The following MARCHF11 variants were observed in gnomAD, a reference collection of about 807,000 sequenced individuals.
The protein encoded by MARCHF11 is E3 ubiquitin-protein ligase MARCHF11.
MARCHF11 carries 29 observed loss-of-function variants against 37.3 expected under a neutral mutation model. The observed-to-expected ratio is 0.78, with a 90% CI of 0.58 to 1.06. The LOEUF (loss-of-function observed/expected upper bound fraction) is 1.06, where lower values mean the gene tolerates loss of function less well. Among genes scored for constraint, MARCHF11 ranks in the 50% least tolerant of loss-of-function variants. The probability of loss-of-function intolerance (pLI) is 0.00; values close to 1 mark genes in which losing one functional copy is unlikely to be tolerated. For synonymous variants in MARCHF11, 233 were observed against 228.0 expected (o/e 1.02, Z -0.20); for missense variants, 482 against 533.4 (o/e 0.90, Z 0.95).
At chr5:16,108,024 G>A (rs896186590) in intron 2 of MARCHF11, among the ~76,000 whole-genome samples, 10 of 152,184 alleles carry the variant, frequency 6.6e-5, no homozygotes, top group African/African-American at 2.4e-4. Context: ...CGCTGGACAA[G>A]AGCTCAGGAT....
chr5:16,084,417 CG>C (rs936915280), intron 3 of MARCHF11, among the ~76,000 whole-genome samples: 1 of 152,120 alleles, frequency 6.6e-6, no homozygotes, highest in African/African-American at 2.4e-5. Context: ...CCGAGGCAGG[CG>C]GGTCACTTGA....
chr5:16,068,462 G>A (rs936723648), intron 3 of MARCHF11, among the ~76,000 whole-genome samples: 2 of 152,168 alleles, frequency 1.3e-5, no homozygotes, highest in East Asian at 1.9e-4. Context: ...GTTCAGAAAC[G>A]TGCTCAAAAA....
At chr5:16,129,907 T>C (rs1737487059) in intron 2 of MARCHF11, among the ~76,000 whole-genome samples, 1 of 152,056 alleles carries the variant, frequency 6.6e-6, no homozygotes, top group Non-Finnish European at 1.5e-5. Flanking sequence ...GAGATCAGTG[T>C]CAAAAAACAT....
intron 2 of MARCHF11, among the ~76,000 whole-genome samples, chr5:16,116,041 G>A (rs1737221937): frequency 6.6e-6 from 1 of 152,126 alleles, no homozygotes; most frequent in Admixed American, 6.6e-5. Context: ...GATGGCAAAC[G>A]TTTAGTGGCA....
At chr5:16,098,956 G>A (rs1048074777) in intron 2 of MARCHF11, among the ~76,000 whole-genome samples, 1 of 151,974 alleles carries the variant, frequency 6.6e-6, no homozygotes, top group Non-Finnish European at 1.5e-5. Flanking sequence ...AAAAGAACTA[G>A]ATTAGATTTA....
At chr5:16,070,998 C>T (rs1043984638) in intron 3 of MARCHF11, among the ~76,000 whole-genome samples, 1 of 152,058 alleles carries the variant, frequency 6.6e-6, no homozygotes, top group Non-Finnish European at 1.5e-5. Flanking sequence ...ACCTTTTGTG[C>T]TAGTGGTTAT....
At chr5:16,084,621 TGACAGAGC>T (rs1736663823) in intron 3 of MARCHF11, among the ~76,000 whole-genome samples, 1 of 150,754 alleles carries the variant, frequency 6.6e-6, no homozygotes. Flanking sequence ...CCAGCCAGGG[TGACAGAGC>T]AAGACTCTGT....
At chr5:16,087,653 G>C (rs1341995164) in intron 3 of MARCHF11, among the ~76,000 whole-genome samples, 2 of 152,146 alleles carry the variant, frequency 1.3e-5, no homozygotes. Context: ...ATTTTGAATA[G>C]CCCTGATCTA....
rs572652512 is a variant in MARCHF11, at chr5:16,179,614, G to A, written c.-39C>T. On this transcript the variant is annotated 5_prime_UTR_variant, in exon 1 of 4. Coordinates refer to ENST00000332432, the MANE Select transcript of MARCHF11 (RefSeq NM_001102562.3). ...CCGCCCTCCTGCCGGCCCGGCTGGC[G>A]GGCCGGGCTCTGGCTGCAGGGAAAG... 3,949 of 1,152,402 alleles carry A rather than the reference G, an allele frequency of 3.4e-3. 13 individuals are homozygous for A. The highest frequency in any genetic ancestry group is 4.8e-3 in the Admixed American group (100 of 20,918). 71.4% of individuals were successfully genotyped at this position (1,152,402 alleles called of 1,614,324 possible).
At chr5:16,166,874 G>C (rs527814188) in intron 2 of MARCHF11, among the ~76,000 whole-genome samples, 34 of 136,538 alleles carry the variant, frequency 2.5e-4, no homozygotes, top group Non-Finnish European at 4.4e-4. Flanking sequence ...TTTCACCAGA[G>C]AAACAAAACC....
intron 2 of MARCHF11, among the ~76,000 whole-genome samples, chr5:16,101,463 G>T (rs1338367503): frequency 6.6e-6 from 1 of 152,150 alleles, no homozygotes; most frequent in Non-Finnish European, 1.5e-5. Context: ...ACAAAAGCAG[G>T]TGCTAGCTAT....
chr5:16,119,080 T>A (rs1489251126), intron 2 of MARCHF11, among the ~76,000 whole-genome samples: 2 of 151,610 alleles, frequency 1.3e-5, no homozygotes, highest in East Asian at 3.9e-4. Context: ...CAAGGAAGAG[T>A]GACAGGGCGC....
At chr5:16,165,179 A>C (rs1235578739) in intron 2 of MARCHF11, among the ~76,000 whole-genome samples, 2 of 152,018 alleles carry the variant, frequency 1.3e-5, no homozygotes, top group Non-Finnish European at 2.9e-5. Flanking sequence ...GTCTAATCTC[A>C]GACGTCACCT....
chr5:16,104,562 C>T (rs551026079), intron 2 of MARCHF11, among the ~76,000 whole-genome samples: 48 of 151,808 alleles, frequency 3.2e-4, no homozygotes, highest in Non-Finnish European at 5.9e-4. Flanking sequence ...ATTATTTGTC[C>T]GGTTGGTGTG....
intron 3 of MARCHF11, among the ~76,000 whole-genome samples, chr5:16,071,171 C>T (rs1736430024): frequency 6.6e-6 from 1 of 152,144 alleles, no homozygotes; most frequent in Admixed American, 6.5e-5. Flanking sequence ...AACAGGCTGA[C>T]GTACTTTTTC....
At chr5:16,134,070 G>A (rs1737566378) in intron 2 of MARCHF11, among the ~76,000 whole-genome samples, 1 of 152,146 alleles carries the variant, frequency 6.6e-6, no homozygotes, top group Non-Finnish European at 1.5e-5. Context: ...AATCGTTAAA[G>A]CAATGGAGTG....
At chr5:16,098,504 C>T (rs1296444863) in intron 2 of MARCHF11, among the ~76,000 whole-genome samples, 2 of 152,132 alleles carry the variant, frequency 1.3e-5, no homozygotes, top group African/African-American at 4.8e-5. Flanking sequence ...TGGTGGCTCA[C>T]ACCTGTAATC....
intron 3 of MARCHF11, among the ~76,000 whole-genome samples, chr5:16,084,759 T>A (rs1489845155): frequency 5.3e-5 from 8 of 151,586 alleles, no homozygotes; most frequent in African/African-American, 1.9e-4. Context: ...AGGAGCAGTT[T>A]TTTTTTTTTT....
intron 2 of MARCHF11, among the ~76,000 whole-genome samples, chr5:16,093,255 A>C (rs1025821487): frequency 5.3e-5 from 8 of 152,196 alleles, no homozygotes; most frequent in African/African-American, 1.9e-4. Context: ...CCAAGAAGAG[A>C]CTTTACTGAT....
Sources: allele counts gnomAD v4.1 joint callset (sites outside exome capture counted in the v4.1 genomes callset), GRCh38; gene constraint gnomAD v4.1.1; transcripts MANE v1.5; gene names NCBI Gene and HGNC (gene_info 2026-07-23, HGNC 2026-07-21).